Variants in PRKCZ observed in about 807,000 individuals in gnomAD.
The protein encoded by PRKCZ is protein kinase C zeta, also known as protein kinase C zeta type.
PRKCZ carries 33 observed loss-of-function variants against 79.5 expected under a neutral mutation model. The observed-to-expected ratio is 0.41, with a 90% CI of 0.31 to 0.55. The LOEUF (loss-of-function observed/expected upper bound fraction) is 0.55, where lower values mean the gene tolerates loss of function less well. PRKCZ is among the 20% of genes least tolerant of loss of function. PRKCZ has a pLI of 0.19. For missense variants in PRKCZ, 578 were observed against 813.5 expected, an observed-to-expected ratio of 0.71 and a Z score of 3.52; for synonymous variants, 342 against 320.9, an observed-to-expected ratio of 1.07 and a Z score of -0.70.
chr1:2,048,522 G>C (rs1003478241), upstream of PRKCZ, among the ~76,000 whole-genome samples: 2 of 151,440 alleles, frequency 1.3e-5, no homozygotes, highest in Non-Finnish European at 1.5e-5. Flanking sequence ...AAAGACGGAG[G>C]CCGGGGCAGC....
intron 4 of PRKCZ, among the ~76,000 whole-genome samples, chr1:2,086,245 G>C (rs1271997818): frequency 6.6e-6 from 1 of 151,840 alleles, no homozygotes; most frequent in African/African-American, 2.4e-5. Flanking sequence ...TGTTTTGATA[G>C]AGACAGGGTT....
chr1:2,089,341 G>T (rs925147335), intron 4 of PRKCZ, among the ~76,000 whole-genome samples: 3 of 152,202 alleles, frequency 2.0e-5, no homozygotes, highest in African/African-American at 7.2e-5. Flanking sequence ...TGAGGGTCGG[G>T]GTTGGGGACA....
rs557431204 is a variant in PRKCZ at position 2,173,294 on chromosome 1, G to A, written c.1286-603G>A. On this transcript the variant is annotated intron_variant, in intron 13 of 17. Transcript: ENST00000378567. The surrounding 1 kb of genome is among the most constrained non-coding windows in gnomAD (Gnocchi z 5.7). ...GAGAAGGACAGACAGCAGATTGGAGGACTGGAATATAGTCTAGAACCCAGC... is the reference window on the plus strand; with the variant it reads ...GAGAAGGACAGACAGCAGATTGGAGAACTGGAATATAGTCTAGAACCCAGC... 7.2e-5 allele frequency among the ~76,000 whole-genome samples: 11 copies of A among 152,268 alleles called. No homozygotes were observed. The South Asian group carries it at 2.3e-3, about 32-fold the overall frequency.
intron 4 of PRKCZ, among the ~76,000 whole-genome samples, chr1:2,060,030 C>T (rs543897261): frequency 3.3e-5 from 5 of 152,276 alleles, no homozygotes; most frequent in African/African-American, 4.8e-5. Context: ...GAGTGAGTCC[C>T]GGGGGCTGTG....
chr1:2,084,089 G>T (rs559521375), intron 4 of PRKCZ, among the ~76,000 whole-genome samples: 1 of 152,034 alleles, frequency 6.6e-6, no homozygotes, highest in Admixed American at 6.5e-5. Flanking sequence ...AAAATTAGCC[G>T]GGCATGCATG....
At chr1:2,106,114 C>T (rs1052429491) in intron 4 of PRKCZ, among the ~76,000 whole-genome samples, 3 of 152,172 alleles carry the variant, frequency 2.0e-5, no homozygotes, top group Non-Finnish European at 4.4e-5. Context: ...ATGGGGTGTC[C>T]CCCCAGCCCC....
intron 4 of PRKCZ, chr1:2,098,336 A>G (rs566712202): frequency 6.6e-6 from 1 of 152,386 alleles, no homozygotes; most frequent in East Asian, 1.9e-4. Context: ...GGAATTTATT[A>G]TGTTCTACAG....
intron 8 of PRKCZ, among the ~76,000 whole-genome samples, chr1:2,150,022 C>T (rs920036791): frequency 1.3e-4 from 19 of 150,966 alleles, no homozygotes; most frequent in African/African-American, 3.4e-4. Flanking sequence ...AAAAGCTGGG[C>T]GTGGTGGCGG....
chr1:2,144,535 C>G lies in PRKCZ; in HGVS notation c.552+194C>G, dbSNP rs529127181. The G allele has an allele frequency of 4.9e-6, 7 of 1,416,532 alleles. No individual in the cohort carries two copies. The East Asian group carries it at 1.6e-4, about 32-fold the overall frequency. 87.7% of individuals were successfully genotyped at this position (1,416,532 alleles called of 1,614,324 possible). Reference sequence around the variant, plus strand: ...CCCATCTTCCTGAGCCCCCACAAGCCCCCGGCACACTCTGCTCATTGGGGC... The same window carrying G: ...CCCATCTTCCTGAGCCCCCACAAGCGCCCGGCACACTCTGCTCATTGGGGC... On this transcript the variant is annotated intron_variant, in intron 6 of 17. Transcript: ENST00000378567.
chr1:2,159,843 C>T (rs1371654196), intron 10 of PRKCZ, among the ~76,000 whole-genome samples: 1 of 152,214 alleles, frequency 6.6e-6, no homozygotes, highest in African/African-American at 2.4e-5. Flanking sequence ...CATAAAGTCT[C>T]CAAAACGAGA....
intron 4 of PRKCZ, chr1:2,073,816 G>A (rs1350517023): frequency 4.9e-6 from 5 of 1,030,382 alleles, no homozygotes; most frequent in East Asian, 1.9e-4. Flanking sequence ...TGTCGGGGCC[G>A]GAGGCGAGCC....
In PRKCZ at chr1:2,148,859, C is replaced by T; in HGVS notation, c.635-13C>T. ...ACACCGTAACGCCCCTTCCTTCCTC[C>T]CTCTCTCACCAGTTGCTTACATTTC... On this transcript the variant is annotated splice_polypyrimidine_tract_variant and intron_variant, in intron 7 of 17. Coordinates refer to ENST00000378567, the MANE Select transcript of PRKCZ (RefSeq NM_002744.6). 2 of 1,613,706 alleles carry T rather than the reference C, an allele frequency of 1.2e-6. No homozygotes were observed. Among genetic ancestry groups the T allele is most frequent in the Non-Finnish European group, 8.5e-7 (1 of 1,179,678 alleles).
intron 4 of PRKCZ, among the ~76,000 whole-genome samples, chr1:2,066,685 T>G (rs1450357291): frequency 6.6e-6 from 1 of 152,190 alleles, no homozygotes; most frequent in Non-Finnish European, 1.5e-5. Context: ...CAGCTTTTGG[T>G]TTGTTCTTTT....
At chr1:2,064,158 T>C (rs1332480073) in intron 4 of PRKCZ, among the ~76,000 whole-genome samples, 1 of 152,230 alleles carries the variant, frequency 6.6e-6, no homozygotes, top group East Asian at 1.9e-4. Flanking sequence ...TGTTGGCCAT[T>C]TCTGTGTCTT....
intron 4 of PRKCZ, among the ~76,000 whole-genome samples, chr1:2,066,145 C>T (rs1352584236): frequency 6.6e-6 from 1 of 152,174 alleles, no homozygotes; most frequent in Non-Finnish European, 1.5e-5. Flanking sequence ...GTTCTTAAGA[C>T]TCAATGGTCA....
chr1:2,167,361 C>T (rs561707625), intron 10 of PRKCZ, among the ~76,000 whole-genome samples: 2 of 152,222 alleles, frequency 1.3e-5, no homozygotes, highest in African/African-American at 2.4e-5. Context: ...TCATGTATTT[C>T]TTTATTTTCT....
In PRKCZ at chr1:2,128,741, C is replaced by T. The variant is rs1674409952; in HGVS notation, c.335-6521C>T. ...CAAAGCCTGACCCGTGTGGCTGCAC[C>T]GTCCACTGTGCGCTGTCCACTGCAG... On this transcript the variant is annotated intron_variant, in intron 4 of 17. Coordinates refer to ENST00000378567, the MANE Select transcript of PRKCZ (RefSeq NM_002744.6). This position sits in a 1 kb window ranked among gnomAD's most constrained non-coding sequence, Gnocchi z 6.5. 6.6e-6 allele frequency among the ~76,000 whole-genome samples: 1 copy of T among 152,194 alleles called. No homozygotes were observed. The highest frequency in any genetic ancestry group is 2.4e-5 in the African/African-American group (1 of 41,456).
chr1:2,090,677 G>A (rs1475360512), intron 4 of PRKCZ, among the ~76,000 whole-genome samples: 1 of 152,226 alleles, frequency 6.6e-6, no homozygotes, highest in Non-Finnish European at 1.5e-5. Context: ...CCTGCGCTGC[G>A]TGTGTGGTTT....
rs1402559377 is a variant in PRKCZ, at chr1:2,147,975, A to C, written c.635-897A>C. ...TGTCCACTGACCTCTCCATCTATCC[A>C]TCTATTGTCCACTGACCTCTCCATC... On this transcript the variant is annotated intron_variant, in intron 7 of 17. Coordinates refer to ENST00000378567, the MANE Select transcript of PRKCZ (RefSeq NM_002744.6). 2.0e-5 allele frequency among the ~76,000 whole-genome samples: 3 copies of C among 146,744 alleles called. No homozygotes were observed. In the South Asian group the frequency reaches 6.5e-4, roughly 32 times the overall value.
Sources: allele counts gnomAD v4.1 joint callset (sites outside exome capture counted in the v4.1 genomes callset), GRCh38; gene constraint gnomAD v4.1.1; non-coding constraint Gnocchi (gnomAD v3.1); transcripts MANE v1.5; gene names NCBI Gene and HGNC (gene_info 2026-07-23, HGNC 2026-07-21).